The following BDNF variants were observed in gnomAD, a reference collection of about 807,000 sequenced individuals.
BDNF encodes neurotrophic factor BDNF precursor form.
Under a neutral mutation model 19.5 loss-of-function variants are expected in BDNF, and 1 was observed. That is an observed-to-expected ratio of 0.05 (90% CI 0.02 to 0.24). The LOEUF (loss-of-function observed/expected upper bound fraction) is 0.24, where lower values mean the gene tolerates loss of function less well. Among genes scored for constraint, BDNF ranks in the 10% least tolerant of loss-of-function variants. The pLI, the probability that BDNF is intolerant of heterozygous loss-of-function variation, is 1.00. For missense variants in BDNF, 195 were observed against 317.6 expected (o/e 0.61, Z 2.93); for synonymous variants, 100 against 121.6 (o/e 0.82, Z 1.17).
chr11:27,680,257 C>T (rs1174163522), intron 1 of BDNF, among the ~76,000 whole-genome samples: 1 of 152,110 alleles, frequency 6.6e-6, no homozygotes, highest in Non-Finnish European at 1.5e-5. Context: ...CTAACATGCA[C>T]AAAGGGCATT....
At chr11:27,692,852 A>G (rs1202740084) in intron 1 of BDNF, among the ~76,000 whole-genome samples, 1 of 152,220 alleles carries the variant, frequency 6.6e-6, no homozygotes, top group Non-Finnish European at 1.5e-5. Context: ...CAAAATAAGG[A>G]TGTCAAAAAT....
intron 1 of BDNF, among the ~76,000 whole-genome samples, chr11:27,680,674 T>C (rs1312348098): frequency 6.6e-6 from 1 of 152,184 alleles, no homozygotes; most frequent in Non-Finnish European, 1.5e-5. Context: ...TGTAGAAATA[T>C]TCTTGCTTTT....
chr11:27,685,739 T>C (rs543115742), intron 1 of BDNF, among the ~76,000 whole-genome samples: 2 of 152,124 alleles, frequency 1.3e-5, no homozygotes, highest in South Asian at 4.1e-4. Context: ...TGAGTTCTAA[T>C]TTAATTGCAC....
chr11:27,699,359 C>G (rs371587539), intron 1 of BDNF: 15 of 1,614,002 alleles, frequency 9.3e-6, no homozygotes, highest in Middle Eastern at 1.6e-4. Context: ...TCAGCTATTT[C>G]TTTCCAGGAG....
At chr11:27,688,014 C>T (rs997932454) in intron 1 of BDNF, among the ~76,000 whole-genome samples, 1 of 152,156 alleles carries the variant, frequency 6.6e-6, no homozygotes, top group Non-Finnish European at 1.5e-5. Flanking sequence ...CCCACAGCCA[C>T]CCCCTCTCCC....
At chr11:27,692,031 G>A (rs1428396825) in intron 1 of BDNF, among the ~76,000 whole-genome samples, 3 of 151,932 alleles carry the variant, frequency 2.0e-5, no homozygotes, top group Non-Finnish European at 4.4e-5. Context: ...CTAACCCAAA[G>A]GAAAAATAGC....
intron 1 of BDNF, among the ~76,000 whole-genome samples, chr11:27,718,902 A>G (rs1214242331): frequency 2.6e-5 from 4 of 152,050 alleles, no homozygotes; most frequent in African/African-American, 9.7e-5. Context: ...CTTTTAATTA[A>G]GAAGAGCTGA....
intron 1 of BDNF, among the ~76,000 whole-genome samples, chr11:27,689,740 G>T (rs1034920465): frequency 6.6e-6 from 1 of 152,206 alleles, no homozygotes; most frequent in Admixed American, 6.5e-5. Context: ...CGGGATACAT[G>T]TGCAGAATGT....
chr11:27,719,393 G>T (rs1376886515), intron 1 of BDNF: 2 of 904,206 alleles, frequency 2.2e-6, no homozygotes, highest in Non-Finnish European at 2.6e-6. Flanking sequence ...CTTCTCCACC[G>T]CCTCCAGCCG....
At chr11:27,721,635 G>A in exon 1 of BDNF, 2 of 608,974 alleles carry the variant, frequency 3.3e-6, no homozygotes, top group Non-Finnish European at 2.9e-6. Context: ...CAAAGCAACT[G>A]GCATCGATGT....
Position 27,657,880 on chromosome 11 carries a change from G to A in BDNF, c.685C>T (p.Arg229Ter), listed in dbSNP as rs772989712. The A allele has an allele frequency of 1.2e-6, 2 of 1,613,890 alleles. No individual in the cohort carries two copies. The highest frequency in any genetic ancestry group is 1.3e-5 in the African/African-American group (1 of 74,914). The change falls in exon 2 of 2, where the codon CGA becomes TGA. Residue 229 changes from arginine (R) to a stop codon, truncating the protein, a stop_gained. Transcript: ENST00000356660. LOFTEE classifies it high-confidence loss of function. The surrounding 1 kb of genome is among the most constrained non-coding windows in gnomAD (Gnocchi z 5.0). ...CAAGAAGTGTCTATCCTTATGAATC[G>A]CCAGCCAATTCTCTTTTTGCTATCC... ...TMDSKKRIGW[R>*]FIRIDTSCVC...
chr11:27,708,365 A>G (rs1860192800), intron 1 of BDNF, among the ~76,000 whole-genome samples: 1 of 152,244 alleles, frequency 6.6e-6, no homozygotes, highest in Non-Finnish European at 1.5e-5. Flanking sequence ...AAAACTAATT[A>G]GAGCAAAGTG....
intron 1 of BDNF, among the ~76,000 whole-genome samples, chr11:27,679,270 T>C (rs1856567533): frequency 6.6e-6 from 1 of 152,176 alleles, no homozygotes; most frequent in South Asian, 2.1e-4. Context: ...TAGCAGACCA[T>C]GTTTCCATAT....
rs1212110921 is a variant in BDNF at position 27,656,618 on chromosome 11, A to C, written c.*1203T>G. On this transcript the variant is annotated 3_prime_UTR_variant, in exon 2 of 2. Coordinates refer to ENST00000356660, the MANE Select transcript of BDNF (RefSeq NM_001709.5). ...AGCCTCCATTTGGCTGTTCAGTCTC[A>C]TGTCACTGGCAATGTGGATTCCTGT... 1.0e-6 allele frequency: 1 copy of C among 985,706 alleles called. No individual in the cohort carries two copies. The highest frequency in any genetic ancestry group is 1.2e-6 in the Non-Finnish European group (1 of 829,920). The allele number at this position is 985,706 out of a possible 1,614,324, so 61.1% of individuals were successfully genotyped here. A position where few individuals can be genotyped will look rare whatever the true frequency, so the allele number is the denominator to read the frequency against.
chr11:27,694,810 C>A (rs1251388239), intron 1 of BDNF, among the ~76,000 whole-genome samples: 3 of 152,078 alleles, frequency 2.0e-5, no homozygotes, highest in Non-Finnish European at 4.4e-5. Flanking sequence ...TCTCTCTACT[C>A]AAATTATTTG....
intron 1 of BDNF, chr11:27,659,648 TGCGCGCGCGCGTGTG>T: frequency 1.2e-5 from 12 of 980,408 alleles, no homozygotes; most frequent in Non-Finnish European, 1.5e-5. Context: ...TGTGTGTGTG[TGCGCGCGCGCGTGTG>T]CGCGCGCTCT....
At chr11:27,659,672 C>G (rs1214121017) in intron 1 of BDNF, 1 of 998,444 alleles carries the variant, frequency 1.0e-6, no homozygotes, top group Non-Finnish European at 1.2e-6. Flanking sequence ...TGCGCGCGCT[C>G]TGAGTTTATC....
intron 1 of BDNF, among the ~76,000 whole-genome samples, chr11:27,698,979 A>T (rs567603368): frequency 1.3e-5 from 2 of 152,214 alleles, no homozygotes; most frequent in East Asian, 3.9e-4. Context: ...AAATCCACCG[A>T]CGACGAGTCG....
At position 27,656,796 on chromosome 11, in the gene BDNF, T is replaced by G; in HGVS notation, c.*1025A>C. 1 of 985,412 alleles carries G rather than the reference T, an allele frequency of 1.0e-6. No homozygotes were observed. The highest frequency in any genetic ancestry group is 1.2e-6 in the Non-Finnish European group (1 of 829,904). 61.0% of individuals were successfully genotyped at this position (985,412 alleles called of 1,614,324 possible). ...TAATCTTCATTTTGGGGTTATTTTT[T>G]GTTGTTTTCTGTTCTAAAAAAAAAT... is the stretch of plus-strand genomic sequence containing the variant. On this transcript the variant is annotated 3_prime_UTR_variant, in exon 2 of 2. Coordinates refer to ENST00000356660, the MANE Select transcript of BDNF (RefSeq NM_001709.5).
Sources: allele counts gnomAD v4.1 joint callset (sites outside exome capture counted in the v4.1 genomes callset), GRCh38; gene constraint gnomAD v4.1.1; non-coding constraint Gnocchi (gnomAD v3.1); transcripts MANE v1.5; gene names NCBI Gene and HGNC (gene_info 2026-07-23, HGNC 2026-07-21).